The following CLCN5 variants were observed in gnomAD, a reference collection of about 807,000 sequenced individuals.
CLCN5 encodes the protein Cl-/H+ antiporter 5, also known as H(+)/Cl(-) exchange transporter 5.
In CLCN5, 17 loss-of-function variants were observed where a neutral mutation model predicts 54.0. The observed-to-expected ratio is 0.31, with a 90% CI of 0.22 to 0.47. The LOEUF is 0.47. CLCN5 is among the 20% of genes least tolerant of loss of function. The pLI is 1.00. For missense variants in CLCN5, 448 were observed against 646.7 expected (o/e 0.69, Z 3.33); for synonymous variants, 222 against 233.0 (o/e 0.95, Z 0.43).
intron 3 of CLCN5, among the ~76,000 whole-genome samples, chrX:50,010,264 G>A (rs187904361): frequency 1.0e-5 from 1 of 100,100 alleles, no homozygotes; most frequent in East Asian, 3.1e-4. Flanking sequence ...CTTTTTTGAT[G>A]GAGTATTGCT....
chrX:49,993,210 A>C (rs1929349441), intron 3 of CLCN5, among the ~76,000 whole-genome samples: 1 of 111,546 alleles, frequency 9.0e-6, no homozygotes, highest in Non-Finnish European at 1.9e-5. Flanking sequence ...AGCATCTCCT[A>C]AGAGACCTGG....
intron 4 of CLCN5, among the ~76,000 whole-genome samples, chrX:50,058,448 AG>A (rs1246667741): frequency 1.8e-5 from 2 of 111,019 alleles, no homozygotes; most frequent in Admixed American, 9.6e-5. Flanking sequence ...TTGTATTTTA[AG>A]GGGTTTTCCA....
intron 3 of CLCN5, among the ~76,000 whole-genome samples, chrX:49,972,283 A>G (rs1045228881): frequency 8.1e-5 from 9 of 110,880 alleles, no homozygotes; most frequent in South Asian, 3.9e-4. Flanking sequence ...ACAGTTATCA[A>G]TTTCAGTAAA....
intron 3 of CLCN5, among the ~76,000 whole-genome samples, chrX:49,966,587 A>T (rs1927865714): frequency 9.7e-5 from 3 of 31,069 alleles, no homozygotes; most frequent in East Asian, 1.2e-3. Context: ...TATATCTCTG[A>T]TCTTTTTTTT....
In CLCN5 at chrX:49,925,381, C is replaced by A; in HGVS notation, c.16+67C>A. The A allele has an allele frequency of 6.6e-6, 7 of 1,054,937 alleles. No homozygotes were observed. In the South Asian group the frequency reaches 1.3e-4, roughly 20 times the overall value. 86.9% of individuals were successfully genotyped at this position (1,054,937 alleles called of 1,213,427 possible). A position where few individuals can be genotyped will look rare whatever the true frequency, so the allele number is the denominator to read the frequency against. ...TACTCTATTCTCTACCCTCACCCAACCGTTCCCCACCCAGCCAATGGCAGG... is the reference window on the plus strand; with the variant it reads ...TACTCTATTCTCTACCCTCACCCAAACGTTCCCCACCCAGCCAATGGCAGG... On this transcript the variant is annotated intron_variant, in intron 3 of 14. Transcript: ENST00000376091.
intron 3 of CLCN5, among the ~76,000 whole-genome samples, chrX:49,991,987 C>T (rs1289603331): frequency 2.7e-5 from 3 of 111,804 alleles, no homozygotes; most frequent in Non-Finnish European, 5.6e-5. Context: ...AGAGCATTGA[C>T]GCCATCTGTC....
At chrX:49,965,931 A>T (rs1557175385) in intron 3 of CLCN5, among the ~76,000 whole-genome samples, 4 of 112,172 alleles carry the variant, frequency 3.6e-5, no homozygotes, top group African/African-American at 1.3e-4. Flanking sequence ...TGTTAAATCA[A>T]CCTTGCCTTC....
At chrX:50,016,984 T>C (rs781870981) in intron 3 of CLCN5, among the ~76,000 whole-genome samples, 1 of 111,586 alleles carries the variant, frequency 9.0e-6, no homozygotes, top group Non-Finnish European at 1.9e-5. Flanking sequence ...TATCACTGCA[T>C]AGTATTCCAT....
chrX:50,016,625 TTATA>T (rs1557183590), intron 3 of CLCN5, among the ~76,000 whole-genome samples: 1 of 109,764 alleles, frequency 9.1e-6, no homozygotes, highest in African/African-American at 3.3e-5. Context: ...CCTCTTTGTG[TTATA>T]TACTCTATGG....
intron 3 of CLCN5, among the ~76,000 whole-genome samples, chrX:49,975,482 G>A (rs1421097102): frequency 9.0e-6 from 1 of 111,605 alleles, no homozygotes; most frequent in Non-Finnish European, 1.9e-5. Context: ...AGGATTGCCT[G>A]CAGCCACATG....
At chrX:49,940,466 G>A (rs1280841814) in intron 3 of CLCN5, among the ~76,000 whole-genome samples, 2 of 111,649 alleles carry the variant, frequency 1.8e-5, no homozygotes, top group African/African-American at 3.3e-5. Flanking sequence ...AACTTCTGTG[G>A]TAGTCCACAA....
At chrX:49,934,754 C>G (rs1463204872) in intron 3 of CLCN5, among the ~76,000 whole-genome samples, 5 of 111,998 alleles carry the variant, frequency 4.5e-5, no homozygotes, top group Non-Finnish European at 7.5e-5. Flanking sequence ...ATACTAGACA[C>G]TGAAGTTTTC....
At chrX:49,959,748 G>A (rs1421758711) in intron 3 of CLCN5, among the ~76,000 whole-genome samples, 1 of 110,941 alleles carries the variant, frequency 9.0e-6, no homozygotes, top group Non-Finnish European at 1.9e-5. Context: ...GAGACCTCTG[G>A]AACCTAGCTT....
At chrX:49,952,888 CTTT>C (rs782480208) in intron 3 of CLCN5, among the ~76,000 whole-genome samples, 4 of 100,606 alleles carry the variant, frequency 4.0e-5, no homozygotes, top group Non-Finnish European at 4.1e-5. Context: ...GTGTGTGTAA[CTTT>C]TTTTTTTTTT....
Position 50,005,991 on chromosome X carries a change from T to C in CLCN5, c.17-36325T>C, listed in dbSNP as rs148149985. 1.2e-4 allele frequency among the ~76,000 whole-genome samples: 14 copies of C among 112,558 alleles called. 1 individual carries two copies. The East Asian group carries it at 3.9e-3, about 31-fold the overall frequency. On this transcript the variant is annotated intron_variant, in intron 3 of 14. Transcript: ENST00000376091. ...AGATAAATACATCATGATTCCATTA[T>C]ACTTCTGATTCAAAATCAGGATTAC... is the stretch of plus-strand genomic sequence containing the variant.
intron 3 of CLCN5, among the ~76,000 whole-genome samples, chrX:50,028,939 G>T (rs1247842291): frequency 2.7e-5 from 3 of 110,871 alleles, no homozygotes; most frequent in Non-Finnish European, 5.7e-5. Context: ...TTCACATCTG[G>T]GACAAATATA....
At chrX:49,985,090 A>G (rs782229539) in intron 3 of CLCN5, among the ~76,000 whole-genome samples, 1 of 111,276 alleles carries the variant, frequency 9.0e-6, no homozygotes, top group African/African-American at 3.3e-5. Flanking sequence ...TAACTAAAAT[A>G]TATCTTTAAG....
At chrX:49,974,855 G>A (rs1928404622) in intron 3 of CLCN5, among the ~76,000 whole-genome samples, 1 of 112,330 alleles carries the variant, frequency 8.9e-6, no homozygotes, top group Non-Finnish European at 1.9e-5. Context: ...CTGAGATACT[G>A]AATACAAAGT....
intron 3 of CLCN5, among the ~76,000 whole-genome samples, chrX:50,036,224 A>T (rs1405924870): frequency 8.9e-6 from 1 of 112,525 alleles, no homozygotes; most frequent in Non-Finnish European, 1.9e-5. Flanking sequence ...TAAAGACTGT[A>T]TCAAAATGGG....
Sources: gnomAD v4.1 joint callset for allele counts (sites outside exome capture counted in the v4.1 genomes callset) on GRCh38, gnomAD v4.1.1 for gene constraint, MANE v1.5 for transcripts, NCBI Gene and HGNC (gene_info 2026-07-23, HGNC 2026-07-21) for gene names.